PPP2R2A: variants seen among roughly 807,000 people sequenced by gnomAD.
PPP2R2A encodes the protein serine/threonine-protein phosphatase 2A 55 kDa regulatory subunit B alpha isoform.
Under a neutral mutation model 53.2 loss-of-function variants are expected in PPP2R2A, and 9 were observed. The ratio of observed to expected loss-of-function variants is 0.17; its 90% CI spans 0.10 to 0.30. The LOEUF (loss-of-function observed/expected upper bound fraction) is 0.30, where lower values mean the gene tolerates loss of function less well. Among genes scored for constraint, PPP2R2A ranks in the 10% least tolerant of loss-of-function variants. PPP2R2A has a pLI of 1.00. For synonymous variants in PPP2R2A, 169 were observed against 174.2 expected, an observed-to-expected ratio of 0.97 and a Z score of 0.23; for missense variants, 235 against 534.6, an observed-to-expected ratio of 0.44 and a Z score of 5.53.
intron 4 of PPP2R2A, among the ~76,000 whole-genome samples, chr8:26,358,673 AT>A (rs1398157743): frequency 6.6e-6 from 1 of 152,200 alleles, no homozygotes; most frequent in Non-Finnish European, 1.5e-5. Flanking sequence ...GTTATAAACA[AT>A]TTTGTTACAC....
chr8:26,333,367 A>G, intron 2 of PPP2R2A: 2 of 306,378 alleles, frequency 6.5e-6, no homozygotes, highest in East Asian at 2.2e-4. Flanking sequence ...TTTTCATTTG[A>G]CAGCTTTGGT....
chr8:26,366,244 CT>C (rs1805367353), intron 8 of PPP2R2A, 70 bp from the exon 9 acceptor site: 2 of 1,261,186 alleles, frequency 1.6e-6, no homozygotes, highest in South Asian at 1.3e-5. Context: ...CCCTTTTTTT[CT>C]TTTTAAAGAT....
intron 1 of PPP2R2A, chr8:26,292,456 A>G: frequency 2.0e-6 from 2 of 983,790 alleles, no homozygotes; most frequent in Non-Finnish European, 2.4e-6. Context: ...AGCAAGTTGC[A>G]TGAAAATAAT....
intron 9 of PPP2R2A, among the ~76,000 whole-genome samples, chr8:26,368,978 G>C (rs2117434889): frequency 6.6e-6 from 1 of 151,344 alleles, no homozygotes; most frequent in East Asian, 2.0e-4. Flanking sequence ...CGTGGTGGCG[G>C]ACGCCTGTAG....
chr8:26,332,056 G>C (rs1803406890), intron 2 of PPP2R2A, among the ~76,000 whole-genome samples: 1 of 152,026 alleles, frequency 6.6e-6, no homozygotes, highest in Non-Finnish European at 1.5e-5. Flanking sequence ...AAATCAGATG[G>C]TTAAAAATAC....
At chr8:26,331,980 G>T (rs1172523310) in intron 2 of PPP2R2A, among the ~76,000 whole-genome samples, 2 of 152,262 alleles carry the variant, frequency 1.3e-5, no homozygotes, top group East Asian at 3.9e-4. Context: ...ACAGAATAGG[G>T]TTTGTCAGCA....
intron 2 of PPP2R2A, among the ~76,000 whole-genome samples, chr8:26,319,920 ACTGTGAATGGAATTGTT>A (rs1429345422): frequency 7.2e-5 from 11 of 152,086 alleles, no homozygotes; most frequent in African/African-American, 2.7e-4. Context: ...TTTTGATGCT[ACTGTGAATGGAATTGTT>A]CTCTTAAGTT....
chr8:26,324,807 A>T (rs767564777), intron 2 of PPP2R2A, among the ~76,000 whole-genome samples: 1 of 152,096 alleles, frequency 6.6e-6, no homozygotes, highest in Non-Finnish European at 1.5e-5. Context: ...AGAGCTGCCC[A>T]AGACCATGGG....
At chr8:26,361,322 T>C (rs991883360) in intron 6 of PPP2R2A, among the ~76,000 whole-genome samples, 171 bp downstream of exon 6, 1 of 152,228 alleles carries the variant, frequency 6.6e-6, no homozygotes, top group South Asian at 2.1e-4. Flanking sequence ...GAAAAAGTTA[T>C]TTGCTAAACA....
chr8:26,295,209 C>CTG (rs1287193243), intron 2 of PPP2R2A, among the ~76,000 whole-genome samples: 1 of 152,182 alleles, frequency 6.6e-6, no homozygotes, highest in Non-Finnish European at 1.5e-5. Flanking sequence ...ATGCTGAGCA[C>CTG]TGAGGGTACT....
intron 2 of PPP2R2A, chr8:26,333,441 TA>T: frequency 1.1e-6 from 1 of 910,046 alleles, no homozygotes; most frequent in Non-Finnish European, 1.5e-6. Flanking sequence ...ATTATATAGG[TA>T]ATACAGTTAT....
At chr8:26,339,310 A>G (rs766605403) in intron 3 of PPP2R2A, among the ~76,000 whole-genome samples, 4 of 152,134 alleles carry the variant, frequency 2.6e-5, no homozygotes, top group Non-Finnish European at 4.4e-5. Flanking sequence ...TTTCCTTTGA[A>G]ACTCCGTAAA....
chr8:26,337,196 G>C (rs578131217), intron 2 of PPP2R2A, among the ~76,000 whole-genome samples: 77 of 152,256 alleles, frequency 5.1e-4, no homozygotes, highest in African/African-American at 1.7e-3. Context: ...TCAAAGATAG[G>C]TATTTTGGTA....
rs1805179063 is a variant in PPP2R2A, at chr8:26,362,851, A to G, written c.802+3A>G. On this transcript the variant is annotated splice_donor_region_variant and intron_variant, in intron 7 of 9. Transcript: ENST00000380737. This position sits in a 1 kb window ranked among gnomAD's most constrained non-coding sequence, Gnocchi z 4.4. ...CCTCTGTGATAGACATTCTAAATGT[A>G]AGTTTATTGTATCTTTCCTTAAAAT... The G allele has an allele frequency of 6.2e-7, 1 of 1,610,502 alleles. No individual in the cohort carries two copies. Among genetic ancestry groups the G allele is most frequent in the Admixed American group, 1.7e-5 (1 of 59,806 alleles).
chr8:26,343,306 A>G (rs537900376), intron 3 of PPP2R2A, among the ~76,000 whole-genome samples: 2 of 152,112 alleles, frequency 1.3e-5, no homozygotes, highest in South Asian at 4.2e-4. Context: ...CTTTCTAGGG[A>G]TTCTTAACTT....
intron 3 of PPP2R2A, among the ~76,000 whole-genome samples, chr8:26,349,085 A>T (rs1337733845): frequency 6.6e-6 from 1 of 152,168 alleles, no homozygotes; most frequent in Admixed American, 6.5e-5. Flanking sequence ...GACAAGGTTC[A>T]ATAAACTTGT....
At chr8:26,342,497 G>A (rs914347859) in intron 3 of PPP2R2A, among the ~76,000 whole-genome samples, 1 of 152,172 alleles carries the variant, frequency 6.6e-6, no homozygotes, top group Non-Finnish European at 1.5e-5. Flanking sequence ...AGTTGTCAAA[G>A]TAGCTGGTTT....
intron 3 of PPP2R2A, among the ~76,000 whole-genome samples, chr8:26,347,614 TA>T (rs909633347): frequency 6.6e-6 from 1 of 152,170 alleles, no homozygotes; most frequent in Non-Finnish European, 1.5e-5. Flanking sequence ...GCATTTCCTT[TA>T]AATTTTATTT....
At chr8:26,340,436 G>A (rs577600779) in intron 3 of PPP2R2A, among the ~76,000 whole-genome samples, 3 of 151,980 alleles carry the variant, frequency 2.0e-5, no homozygotes, top group Non-Finnish European at 2.9e-5. Flanking sequence ...GCCCTTGAAT[G>A]TATTTTTTAC....
Sources: allele counts gnomAD v4.1 joint callset (sites outside exome capture counted in the v4.1 genomes callset), GRCh38; gene constraint gnomAD v4.1.1; non-coding constraint Gnocchi (gnomAD v3.1); transcripts MANE v1.5; gene names NCBI Gene and HGNC (gene_info 2026-07-23, HGNC 2026-07-21).